The following PLEKHG4B variants were observed in gnomAD, a reference collection of about 807,000 sequenced individuals.
PLEKHG4B encodes the protein pleckstrin homology domain-containing family G member 4B.
A neutral mutation model predicts 121.3 loss-of-function variants in PLEKHG4B; 111 were observed. That is an observed-to-expected ratio of 0.92 (90% CI 0.78 to 1.07). The LOEUF (loss-of-function observed/expected upper bound fraction) is 1.07. Among genes scored for constraint, PLEKHG4B ranks in the 50% least tolerant of loss-of-function variants. PLEKHG4B has a pLI of 0.00. For synonymous variants in PLEKHG4B, 738 were observed against 725.0 expected (o/e 1.02, Z -0.29); for missense variants, 1,831 against 1,757.8 (o/e 1.04, Z -0.74).
At chr5:118,062 C>A (rs1382296887) in intron 2 of PLEKHG4B, among the ~76,000 whole-genome samples, 3 of 152,024 alleles carry the variant, frequency 2.0e-5, no homozygotes, top group Admixed American at 6.6e-5. Flanking sequence ...AAATAATAGA[C>A]CAGCAACATT....
intron 1 of PLEKHG4B, among the ~76,000 whole-genome samples, chr5:108,007 G>A (rs1428077671): frequency 1.3e-5 from 2 of 152,158 alleles, no homozygotes; most frequent in East Asian, 1.9e-4. Flanking sequence ...AGGAGGCCTC[G>A]AAACAGAGAC....
chr5:147,163 G>A (rs928660808), intron 6 of PLEKHG4B, among the ~76,000 whole-genome samples: 1 of 152,232 alleles, frequency 6.6e-6, no homozygotes, highest in Non-Finnish European at 1.5e-5. Context: ...CACAGGCCGA[G>A]GTCCAGACAA....
In PLEKHG4B at chr5:169,526, C is replaced by G. The variant is rs764398776; in HGVS notation, c.3663C>G (p.His1221Gln). 4.3e-6 allele frequency: 7 copies of G among 1,614,094 alleles called. No homozygotes were observed. Among genetic ancestry groups the G allele is most frequent in the Non-Finnish European group, 5.9e-6 (7 of 1,180,048 alleles). The change falls in exon 14 of 20, where the codon CAC becomes CAG. Residue 1221 changes from histidine to glutamine, a missense_variant. Transcript: ENST00000637938. ...LEKLHDFHQQHFLRELERCQH... is the reference protein window; with the variant it reads ...LEKLHDFHQQQFLRELERCQH... ...AGCTCCACGACTTCCACCAGCAGCA[C>G]TTCCTCCGGGAGCTGGAGCGCTGCC...
At chr5:110,860 C>T (rs757634575) in intron 1 of PLEKHG4B, among the ~76,000 whole-genome samples, 1 of 152,258 alleles carries the variant, frequency 6.6e-6, no homozygotes, top group Non-Finnish European at 1.5e-5. Flanking sequence ...AGTCAGCACA[C>T]GTTTGTACAT....
chr5:117,023 C>T lies in PLEKHG4B; in HGVS notation c.243+3575C>T, dbSNP rs1734326336. On this transcript the variant is annotated intron_variant, in intron 2 of 19. Transcript: ENST00000637938. ...AAGGCCTGCCTGTTTCACCTTCTTT[C>T]TGTGAAGTTTCTTTTTCCTCTCATT... Among the ~76,000 whole-genome samples the T allele has an allele frequency of 2.0e-5, 3 of 152,174 alleles. No individual in the cohort carries two copies. In the South Asian group the frequency reaches 6.2e-4, roughly 31 times the overall value.
chr5:98,603 TTGTG>T (rs35724214), intron 1 of PLEKHG4B, among the ~76,000 whole-genome samples: 7,166 of 111,440 alleles, frequency 0.064, 269 homozygotes, highest in Non-Finnish European at 0.079. Context: ...CCTGGCTAAT[TTGTG>T]TGTGTGTGTG....
At position 143,516 on chromosome 5, in the gene PLEKHG4B, G is replaced by C. The variant is rs375111020; in HGVS notation, c.1811+13G>C. 1 of 1,612,410 alleles carries C rather than the reference G, an allele frequency of 6.2e-7. No individual in the cohort carries two copies. Among genetic ancestry groups the C allele is most frequent in the Admixed American group, 1.7e-5 (1 of 60,008 alleles). On this transcript the variant is annotated intron_variant, in intron 5 of 19. Transcript: ENST00000637938. The stretch of plus-strand genomic sequence containing the variant: ...ATAGCATCCCCAGGTGGGACGGGGG[G>C]CAAGGCCGCACCCTGCAGACCCATG...
chr5:181,814 G>T lies in PLEKHG4B; in HGVS notation c.4564+139G>T. ...GGCCTGTCGTCAAGGACACGGGTAC[G>T]GTGGCCTCGGCCCCGCCCTCACTCA... On this transcript the variant is annotated intron_variant, in intron 19 of 19. Coordinates refer to ENST00000637938, the MANE Select transcript of PLEKHG4B (RefSeq NM_052909.5). The T allele has an allele frequency of 1.3e-5, 17 of 1,338,392 alleles. 1 individual carries two copies. In the South Asian group the frequency reaches 2.2e-4, roughly 18 times the overall value. 82.9% of individuals were successfully genotyped at this position (1,338,392 alleles called of 1,614,324 possible).
chr5:154,225 C>T (rs897962723), intron 7 of PLEKHG4B, among the ~76,000 whole-genome samples: 1 of 151,370 alleles, frequency 6.6e-6, no homozygotes. Context: ...AGGATATCCT[C>T]GATCTCCTGA....
chr5:128,404 A>T (rs561545664), intron 2 of PLEKHG4B, among the ~76,000 whole-genome samples: 1 of 152,352 alleles, frequency 6.6e-6, no homozygotes, highest in South Asian at 2.1e-4. Context: ...GTAGGGCATG[A>T]ACTCCCCAGA....
chr5:181,733 A>G, intron 19 of PLEKHG4B, 58 bp downstream of exon 19: 1 of 1,571,078 alleles, frequency 6.4e-7, no homozygotes. Context: ...GCCTGTCATC[A>G]AGGGCATGGG....
chr5:142,792 C>T (rs1342814903), intron 3 of PLEKHG4B, among the ~76,000 whole-genome samples: 3 of 152,348 alleles, frequency 2.0e-5, no homozygotes, highest in Admixed American at 1.3e-4. Flanking sequence ...CCTCCTGAGG[C>T]GTCTGCAGGT....
intron 2 of PLEKHG4B, among the ~76,000 whole-genome samples, chr5:131,991 AC>A (rs981112261): frequency 6.6e-6 from 1 of 152,148 alleles, no homozygotes; most frequent in Non-Finnish European, 1.5e-5. Context: ...AAAACAAAAT[AC>A]CCTAGGAATA....
At chr5:133,916 ACACACG>A (rs1321654753) in intron 2 of PLEKHG4B, among the ~76,000 whole-genome samples, 1 of 144,956 alleles carries the variant, frequency 6.9e-6, no homozygotes, top group East Asian at 1.9e-4. Flanking sequence ...AAAATGTGAC[ACACACG>A]CACACACACA....
At chr5:168,240 C>G (rs1166817302) in intron 13 of PLEKHG4B, among the ~76,000 whole-genome samples, 1 of 152,198 alleles carries the variant, frequency 6.6e-6, no homozygotes, top group African/African-American at 2.4e-5. Flanking sequence ...AGCCCCTCCT[C>G]AGGACGCTCA....
At chr5:161,676 G>A (rs1736005540) in intron 11 of PLEKHG4B, 107 bp from the exon 12 acceptor site, 12 of 1,454,516 alleles carry the variant, frequency 8.3e-6, no homozygotes, top group Middle Eastern at 1.8e-4. Flanking sequence ...AGCACTGTGG[G>A]CCGTCCGAGC....
intron 1 of PLEKHG4B, among the ~76,000 whole-genome samples, chr5:95,616 T>C (rs1733608396): frequency 6.6e-6 from 1 of 152,098 alleles, no homozygotes; most frequent in African/African-American, 2.4e-5. Context: ...CTAAGACAAA[T>C]TTGCCTTTGG....
rs1450445640 is a variant in PLEKHG4B, at chr5:184,269, CAA to C, written c.*1947_*1948del. Reference sequence around the variant, plus strand: ...CCATAGACCCAGTGAACTCCAAACACAAGAGATACGAGTGCACATCATAATCA... The same window carrying C: ...CCATAGACCCAGTGAACTCCAAACACGAGATACGAGTGCACATCATAATCA... On this transcript the variant is annotated 3_prime_UTR_variant, in exon 20 of 20. Transcript: ENST00000637938. 6.6e-6 allele frequency: 1 copy of C among 152,220 alleles called. No individual in the cohort carries two copies. Among genetic ancestry groups the C allele is most frequent in the Non-Finnish European group, 1.5e-5 (1 of 68,054 alleles). 9.4% of individuals were successfully genotyped at this position (152,220 alleles called of 1,614,324 possible).
chr5:143,234 G>A lies in PLEKHG4B; in HGVS notation c.1665G>A (p.Gln555=). The A allele has an allele frequency of 1.2e-6, 2 of 1,610,406 alleles. No homozygotes were observed. Among genetic ancestry groups the A allele is most frequent in the African/African-American group, 2.7e-5 (2 of 75,058 alleles). The change falls in exon 4 of 20, where the codon CAG becomes CAA. Residue 555 remains glutamine, a synonymous_variant. Coordinates refer to ENST00000637938, the MANE Select transcript of PLEKHG4B (RefSeq NM_052909.5). Reference sequence around the variant, plus strand: ...TGGACGTCAGTCAGGAGCTGCTGCAGTCCGGGGTCGTCACCCTCCCAGGTG... The same window carrying A: ...TGGACGTCAGTCAGGAGCTGCTGCAATCCGGGGTCGTCACCCTCCCAGGTG... ...QVLDVSQELL[Q]SGVVTLPGTR...
Sources: allele counts gnomAD v4.1 joint callset (sites outside exome capture counted in the v4.1 genomes callset), GRCh38; gene constraint gnomAD v4.1.1; transcripts MANE v1.5; gene names NCBI Gene and HGNC (gene_info 2026-07-23, HGNC 2026-07-21).